CSMD1: variants seen among roughly 807,000 people sequenced by gnomAD.
The protein encoded by CSMD1 is CUB and Sushi multiple domains 1.
Under a neutral mutation model 417.5 loss-of-function variants are expected in CSMD1, and 213 were observed. The observed-to-expected ratio is 0.51, with a 90% CI of 0.46 to 0.57. CSMD1 has a LOEUF of 0.57. Among genes scored for constraint, CSMD1 ranks in the 20% least tolerant of loss-of-function variants. CSMD1 has a pLI of 0.00. For missense variants in CSMD1, 6,923 were observed against 4,529.7 expected (o/e 1.53, Z -15.17); for synonymous variants, 2,862 against 1,736.8 (o/e 1.65, Z -16.11).
At chr8:3,511,991 G>C (rs1027922621) in intron 10 of CSMD1, among the ~76,000 whole-genome samples, 4 of 151,774 alleles carry the variant, frequency 2.6e-5, no homozygotes, top group African/African-American at 4.8e-5. Context: ...GGACTCATGA[G>C]TTTACAACGT....
chr8:3,597,863 C>A (rs1167710542), intron 8 of CSMD1, among the ~76,000 whole-genome samples: 1 of 152,148 alleles, frequency 6.6e-6, no homozygotes, highest in Non-Finnish European at 1.5e-5. Flanking sequence ...GGAGGGATAG[C>A]ATTAGCAGAA....
chr8:4,003,937 A>G (rs1815902144), intron 4 of CSMD1, among the ~76,000 whole-genome samples: 1 of 128,784 alleles, frequency 7.8e-6, no homozygotes. Flanking sequence ...TTTTTTTAGA[A>G]AACAGAACAA....
intron 21 of CSMD1, among the ~76,000 whole-genome samples, chr8:3,352,161 G>T (rs929757218): frequency 1.3e-5 from 2 of 152,156 alleles, no homozygotes; most frequent in African/African-American, 4.8e-5. Context: ...GGGTGGGGAA[G>T]GAATGCCAGG....
At chr8:4,044,366 G>A (rs542490313) in intron 3 of CSMD1, among the ~76,000 whole-genome samples, 3 of 152,206 alleles carry the variant, frequency 2.0e-5, no homozygotes, top group South Asian at 2.1e-4. Context: ...TTACTGATAA[G>A]AACCTTGTCT....
chr8:3,894,517 A>G (rs1349105345), intron 5 of CSMD1, among the ~76,000 whole-genome samples: 1 of 152,208 alleles, frequency 6.6e-6, no homozygotes, highest in Admixed American at 6.5e-5. Flanking sequence ...CCAAATTAAA[A>G]AAAAATAATC....
intron 2 of CSMD1, among the ~76,000 whole-genome samples, chr8:4,577,292 T>C (rs1799184572): frequency 6.6e-6 from 1 of 152,178 alleles, no homozygotes. Context: ...TCATAGCTGC[T>C]CTCTTGGGAG....
chr8:3,845,331 T>C (rs1803427675), intron 5 of CSMD1, among the ~76,000 whole-genome samples: 1 of 152,308 alleles, frequency 6.6e-6, no homozygotes, highest in East Asian at 1.9e-4. Context: ...ACTGAGGCTC[T>C]ACGATACAGC....
chr8:3,813,870 A>C (rs146782267), intron 5 of CSMD1, among the ~76,000 whole-genome samples: 5 of 152,192 alleles, frequency 3.3e-5, no homozygotes, highest in Non-Finnish European at 5.9e-5. Flanking sequence ...CAAGAGAAAA[A>C]GAAGAGAAAG....
rs772015537 is a variant in CSMD1 at position 4,637,551 on chromosome 8, G to C, written c.93C>G (p.Asn31Lys). The C allele has an allele frequency of 2.5e-6, 4 of 1,588,618 alleles. No individual in the cohort carries two copies. The highest frequency in any genetic ancestry group is 1.1e-5 in the South Asian group (1 of 90,666). Residue 31 changes from asparagine (N) to lysine (K), a missense_variant, in exon 2 of 70, where the codon AAC becomes AAG. Coordinates refer to ENST00000635120, the MANE Select transcript of CSMD1 (RefSeq NM_033225.6). ...TGGGACCCTGGACTAAGCCTCCACA[G>C]TTCTGACCTGGAAGAGAAAACACAC... ...ARLLTAAKGQ[N>K]CGGLVQGPNG... is the part of the protein sequence containing the mutation.
chr8:3,233,401 G>C (rs551212870), intron 26 of CSMD1, among the ~76,000 whole-genome samples: 1 of 152,146 alleles, frequency 6.6e-6, no homozygotes, highest in Non-Finnish European at 1.5e-5. Context: ...GGCCAGATGT[G>C]GTCCCTCGAC....
chr8:4,170,253 T>G lies in CSMD1; in HGVS notation c.416-138154A>C, dbSNP rs943583880. ...CTTTCCCCATCTCTCTTTCTCTTTT[T>G]GAATTACCCCCTTGCCTTGGGTAGA... On this transcript the variant is annotated intron_variant, in intron 3 of 69. Transcript: ENST00000635120. 7.9e-5 allele frequency among the ~76,000 whole-genome samples: 12 copies of G among 151,876 alleles called. 1 individual carries two copies. Among genetic ancestry groups the G allele is most frequent in the African/African-American group, 2.9e-4 (12 of 41,134 alleles).
At chr8:3,587,643 G>A (rs1800663724) in intron 8 of CSMD1, among the ~76,000 whole-genome samples, 1 of 152,152 alleles carries the variant, frequency 6.6e-6, no homozygotes, top group South Asian at 2.1e-4. Flanking sequence ...GGATTGCCAT[G>A]GATGTCGGCA....
intron 3 of CSMD1, among the ~76,000 whole-genome samples, chr8:4,333,324 C>A (rs892370507): frequency 2.0e-5 from 3 of 151,978 alleles, no homozygotes; most frequent in African/African-American, 7.3e-5. Flanking sequence ...CATCTAGATC[C>A]GAGAGAGATG....
At chr8:3,878,388 C>T (rs947772829) in intron 5 of CSMD1, among the ~76,000 whole-genome samples, 1 of 152,058 alleles carries the variant, frequency 6.6e-6, no homozygotes, top group African/African-American at 2.4e-5. Flanking sequence ...CCTGGATTTG[C>T]CTCTAAGAGT....
intron 1 of CSMD1, among the ~76,000 whole-genome samples, chr8:4,972,368 A>T (rs1368520622): frequency 6.6e-6 from 1 of 152,140 alleles, no homozygotes; most frequent in Non-Finnish European, 1.5e-5. Context: ...TAATTGAATC[A>T]TGGGAGCAGT....
At chr8:3,975,052 A>G (rs925247138) in intron 5 of CSMD1, among the ~76,000 whole-genome samples, 5 of 152,188 alleles carry the variant, frequency 3.3e-5, no homozygotes, top group Non-Finnish European at 7.3e-5. Context: ...TTATTTGCTA[A>G]TATACATCTG....
intron 2 of CSMD1, among the ~76,000 whole-genome samples, chr8:4,438,477 CT>C (rs1467804958): frequency 3.9e-5 from 6 of 152,228 alleles, no homozygotes; most frequent in African/African-American, 4.8e-5. Context: ...TGGACCAACG[CT>C]TGGGTTCCAC....
intron 7 of CSMD1, among the ~76,000 whole-genome samples, chr8:3,648,504 T>C (rs1317699213): frequency 9.2e-5 from 14 of 152,208 alleles, no homozygotes; most frequent in Admixed American, 9.2e-4. Context: ...TGCTGAGATT[T>C]TGGACCTGTT....
intron 10 of CSMD1, among the ~76,000 whole-genome samples, chr8:3,531,900 G>T (rs1469856004): frequency 1.3e-5 from 2 of 152,148 alleles, no homozygotes; most frequent in African/African-American, 4.8e-5. Flanking sequence ...ATCAGCACAT[G>T]CACAGTAAGA....
Sources: allele counts gnomAD v4.1 joint callset (sites outside exome capture counted in the v4.1 genomes callset), GRCh38; gene constraint gnomAD v4.1.1; transcripts MANE v1.5; gene names NCBI Gene and HGNC (gene_info 2026-07-23, HGNC 2026-07-21).